The following CRELD2 variants were observed in gnomAD, a reference collection of about 807,000 sequenced individuals.
CRELD2 encodes the protein CRELD disulfide isomerase 2.
A neutral mutation model predicts 48.1 loss-of-function variants in CRELD2; 33 were observed. The observed-to-expected ratio is 0.69, with a 90% confidence interval of 0.52 to 0.92. CRELD2 has a LOEUF of 0.92. Among genes scored for constraint, CRELD2 ranks in the 40% least tolerant of loss-of-function variants. The pLI is 0.00. For missense variants in CRELD2, 477 were observed against 482.4 expected (o/e 0.99, Z 0.10); for synonymous variants, 220 against 203.9 (o/e 1.08, Z -0.67).
rs759532102 is a variant in CRELD2, at chr22:49,919,228, A to C, written c.130-2A>C. 1 of 1,613,468 alleles carries C rather than the reference A, an allele frequency of 6.2e-7. No homozygotes were observed. The highest frequency in any genetic ancestry group is 8.5e-7 in the Non-Finnish European group (1 of 1,179,944). Reference sequence around the variant, plus strand: ...AGCACTATGGGCACTGTCTCCTCGCAGGGGATGGTGGACACCGCAAAGAAG... The same window carrying C: ...AGCACTATGGGCACTGTCTCCTCGCCGGGGATGGTGGACACCGCAAAGAAG... On this transcript the variant is annotated splice_acceptor_variant, in intron 1 of 9. Coordinates refer to ENST00000328268, the MANE Select transcript of CRELD2 (RefSeq NM_024324.5). LOFTEE classifies it high-confidence loss of function.
At chr22:49,923,874 C>T in intron 7 of CRELD2, 1 of 244,870 alleles carries the variant, frequency 4.1e-6, no homozygotes, top group Non-Finnish European at 8.0e-6. Flanking sequence ...CCATAGTGCC[C>T]CAGAAAAGTT....
chr22:49,923,660 C>T, intron 7 of CRELD2: 2 of 429,944 alleles, frequency 4.7e-6, no homozygotes, highest in South Asian at 2.2e-5. Flanking sequence ...AACGTCTCTG[C>T]GTCCTGTGGT....
At chr22:49,926,053 G>A (rs62234019) in intron 9 of CRELD2, 13,931 of 155,360 alleles carry the variant, frequency 0.09, 675 homozygotes, top group South Asian at 0.12. Flanking sequence ...AGGCCCAGAC[G>A]CAAGCAGGCT....
chr22:49,923,941 ACAGCCCCAGG>A lies in CRELD2; in HGVS notation c.773-415_773-406del. The A allele has an allele frequency of 1.3e-5, 3 of 229,194 alleles. No homozygotes were observed. In the South Asian group the frequency reaches 1.7e-4, roughly 13 times the overall value. The allele number at this position is 229,194 out of a possible 1,614,324, so 14.2% of individuals were successfully genotyped here. On this transcript the variant is annotated intron_variant, in intron 7 of 9. Coordinates refer to ENST00000328268, the MANE Select transcript of CRELD2 (RefSeq NM_024324.5). The stretch of plus-strand genomic sequence containing the variant: ...AGGCCGCCTCTGCCCCGTGTGTGTG[ACAGCCCCAGG>A]CAGTTTTCACTGTTGGGAGTGCAGA...
intron 8 of CRELD2, 72 bp downstream of exon 8, chr22:49,924,527 G>A: frequency 8.8e-7 from 1 of 1,134,162 alleles, no homozygotes; most frequent in Non-Finnish European, 1.3e-6. Flanking sequence ...GGCCCCAGCA[G>A]GTACTGCCAG....
In CRELD2 at chr22:49,921,739, C is replaced by T. The variant is rs1416650705; in HGVS notation, c.570C>T (p.Asn190=). 6.6e-5 allele frequency: 107 copies of T among 1,612,102 alleles called. No homozygotes were observed. The highest frequency in any genetic ancestry group is 8.1e-5 in the Non-Finnish European group (95 of 1,179,608). The change falls in exon 5 of 10, where the codon AAC becomes AAT. Residue 190 remains asparagine (N), a synonymous_variant. Coordinates refer to ENST00000328268, the MANE Select transcript of CRELD2 (RefSeq NM_024324.5). ...ACGGCTACTTCAGCTCGCTCCGGAA[C>T]GAGACCCACAGCATCTGCACAGGTA... The part of the protein sequence containing the change: ...CMDGYFSSLR[N]ETHSICTACD...
At chr22:49,919,357 C>G (rs752066698) in intron 2 of CRELD2, 45 bp downstream of exon 2, 1 of 1,568,940 alleles carries the variant, frequency 6.4e-7, no homozygotes. Flanking sequence ...CTGGCGCTGT[C>G]CTGGGAAGTC....
chr22:49,919,659 C>A, intron 2 of CRELD2, 71 bp from the exon 3 acceptor site: 3 of 1,153,032 alleles, frequency 2.6e-6, no homozygotes, highest in East Asian at 2.6e-5. Context: ...CCCAGGTTGG[C>A]GTATTGGTTC....
Position 49,920,237 on chromosome 22 carries a change from C to G in CRELD2, c.405C>G (p.Pro135=). Residue 135 remains proline, a synonymous_variant, in exon 4 of 10, where the codon CCC becomes CCG. Transcript: ENST00000328268. ...GCTGCTCTCCAGGAACCTACGGTCC[C>G]GACTGTCTCGGTGCGTTTCTCCTCA... The part of the protein sequence containing the change: ...KVCCSPGTYG[P]DCLACQGGSQ... 7 of 1,609,244 alleles carry G rather than the reference C, an allele frequency of 4.3e-6. No homozygotes were observed. The highest frequency in any genetic ancestry group is 6.0e-6 in the Non-Finnish European group (7 of 1,176,422).
intron 7 of CRELD2, chr22:49,923,832 A>G (rs1015831257): frequency 7.4e-6 from 2 of 268,878 alleles, no homozygotes; most frequent in Non-Finnish European, 1.4e-5. Context: ...TAATTTCCAA[A>G]TCGCTCAGTC....
intron 1 of CRELD2, 94 bp from the exon 2 acceptor site, chr22:49,919,136 G>C (rs1045501945): frequency 7.7e-7 from 1 of 1,304,906 alleles, no homozygotes; most frequent in South Asian, 1.2e-5. Context: ...ACGCCACCGT[G>C]GGCCTGGAGT....
chr22:49,922,746 G>C lies in CRELD2; in HGVS notation c.688+39G>C, dbSNP rs751334595. 57 of 1,290,420 alleles carry C rather than the reference G, an allele frequency of 4.4e-5. No homozygotes were observed. The Admixed American group carries it at 4.7e-4, about 11-fold the overall frequency. 79.9% of individuals were successfully genotyped at this position (1,290,420 alleles called of 1,614,324 possible). A position where few individuals can be genotyped will look rare whatever the true frequency, so the allele number is the denominator to read the frequency against. On this transcript the variant is annotated intron_variant, in intron 6 of 9. Transcript: ENST00000328268. ...CGGGGGTGGAGGAGGGCGCCTGCGT[G>C]AGGCGTGGGGGGTGTGAGATGGGGG...
rs1289123343 is a variant in CRELD2 at position 49,922,913 on chromosome 22, GT to G, written c.688+207del. On this transcript the variant is annotated intron_variant, in intron 6 of 9. Transcript: ENST00000328268. ...GGGAGCATGAGGTGGGGCGTGAGGT[GT>G]GGGGGCGTGAGGTGGGGGCGTGAGG... is the stretch of plus-strand genomic sequence containing the variant. Among the ~76,000 whole-genome samples, 24 of 70,536 alleles carry G rather than the reference GT, an allele frequency of 3.4e-4. 1 individual carries two copies. The South Asian group carries it at 3.6e-3, about 11-fold the overall frequency. 46.3% of individuals were successfully genotyped at this position (70,536 alleles called of 152,430 possible).
In CRELD2 at chr22:49,919,309, C is replaced by T. The variant is rs546600225; in HGVS notation, c.209C>T (p.Ser70Phe). 2 of 1,613,438 alleles carry T rather than the reference C, an allele frequency of 1.2e-6. No homozygotes were observed. The highest frequency in any genetic ancestry group is 1.3e-5 in the African/African-American group (1 of 75,072). Residue 70 changes from serine (S) to phenylalanine (F), a missense_variant, in exon 2 of 10, where the codon TCC becomes TTC. Coordinates refer to ENST00000328268, the MANE Select transcript of CRELD2 (RefSeq NM_024324.5). ...WEEKTLSKYE[S>F]SEIRLLEILE... ...GAAAAGACGCTGTCCAAGTACGAGT[C>T]CAGGTGGGTGCCCTGGAGCACCCCT... is the stretch of plus-strand genomic sequence containing the variant.
At position 49,924,438 on chromosome 22, in the gene CRELD2, A is replaced by ATACCT; in HGVS notation, c.851_852insTACCT (p.Glu284AspfsTer15). The ATACCT allele has an allele frequency of 1.2e-6, 2 of 1,608,538 alleles. No individual in the cohort carries two copies. Among genetic ancestry groups the ATACCT allele is most frequent in the South Asian group, 2.2e-5 (2 of 89,958 alleles). ...GAGTGTATCTCTGGCTACGCGAGGG[A>ATACCT]GCACGGACAGTGTGCAGGTCAGTGA... On this transcript the variant is annotated frameshift_variant, in exon 8 of 10. Transcript: ENST00000328268. LOFTEE classifies it high-confidence loss of function.
At chr22:49,923,667 T>G (rs905247318) in intron 7 of CRELD2, 15 of 422,724 alleles carry the variant, frequency 3.5e-5, no homozygotes, top group Non-Finnish European at 6.6e-5. Context: ...CTGCGTCCTG[T>G]GGTTTCTCTG....
At chr22:49,919,629 C>A in intron 2 of CRELD2, 101 bp from the exon 3 acceptor site, 1 of 857,042 alleles carries the variant, frequency 1.2e-6, no homozygotes, top group Non-Finnish European at 1.8e-6. Context: ...GCCCGGAGTC[C>A]TGGCTCCCCG....
At chr22:49,920,326 C>T (rs2060671580) in intron 4 of CRELD2, 79 bp downstream of exon 4, 2 of 1,021,762 alleles carry the variant, frequency 2.0e-6, no homozygotes, top group Non-Finnish European at 3.0e-6. Flanking sequence ...GGTAAAAGCA[C>T]AGAGGGGACC....
chr22:49,920,106 T>A, intron 3 of CRELD2, 50 bp from the exon 4 acceptor site: 1 of 1,278,926 alleles, frequency 7.8e-7, no homozygotes, highest in Non-Finnish European at 1.1e-6. Flanking sequence ...ATGTTTGTTT[T>A]AAAGAACCGT....
Sources: allele counts gnomAD v4.1 joint callset (sites outside exome capture counted in the v4.1 genomes callset), GRCh38; gene constraint gnomAD v4.1.1; transcripts MANE v1.5; gene names NCBI Gene and HGNC (gene_info 2026-07-23, HGNC 2026-07-21).